The following IGF1R variants were observed in gnomAD, a reference collection of about 807,000 sequenced individuals.
The protein encoded by IGF1R is insulin-like growth factor 1 receptor.
A neutral mutation model predicts 144.6 loss-of-function variants in IGF1R; 44 were observed. The observed-to-expected ratio is 0.30, with a 90% confidence interval of 0.24 to 0.39. The LOEUF is 0.39. Among genes scored for constraint, IGF1R ranks in the 10% least tolerant of loss-of-function variants. The pLI, the probability that IGF1R is intolerant of heterozygous loss-of-function variation, is 1.00. For missense variants in IGF1R, 1,355 were observed against 1,833.7 expected (o/e 0.74, Z 4.77); for synonymous variants, 795 against 722.8 (o/e 1.10, Z -1.60).
intron 5 of IGF1R, among the ~76,000 whole-genome samples, chr15:98,904,485 T>C (rs537009187): frequency 9.2e-5 from 14 of 152,356 alleles, no homozygotes; most frequent in Admixed American, 9.1e-4. Flanking sequence ...ATATCCACCC[T>C]TGCTGAACCC....
intron 1 of IGF1R, among the ~76,000 whole-genome samples, chr15:98,671,464 T>A (rs559380392): frequency 6.6e-6 from 1 of 152,314 alleles, no homozygotes; most frequent in South Asian, 2.1e-4. Flanking sequence ...ATGTCCCAAC[T>A]GAGCTTGTAA....
chr15:98,655,610 C>G (rs920312465), intron 1 of IGF1R, among the ~76,000 whole-genome samples: 2 of 151,670 alleles, frequency 1.3e-5, no homozygotes, highest in Admixed American at 6.6e-5. Flanking sequence ...TTTAAAGATA[C>G]CCGTCAAACT....
chr15:98,821,603 C>T (rs962405426), intron 2 of IGF1R, among the ~76,000 whole-genome samples: 1 of 152,162 alleles, frequency 6.6e-6, no homozygotes, highest in Non-Finnish European at 1.5e-5. Context: ...GTTTCGAGAT[C>T]CAGTATGACT....
intron 2 of IGF1R, among the ~76,000 whole-genome samples, chr15:98,821,853 G>A (rs561040457): frequency 4.6e-4 from 60 of 130,900 alleles, no homozygotes; most frequent in African/African-American, 1.4e-3. Context: ...AGAGACACAC[G>A]GGTGTATGTG....
chr15:98,874,535 A>G (rs1332331678), intron 2 of IGF1R, among the ~76,000 whole-genome samples: 1 of 152,188 alleles, frequency 6.6e-6, no homozygotes, highest in African/African-American at 2.4e-5. Context: ...AGCTGGGGAC[A>G]TCGTGATGTG....
At chr15:98,896,343 G>A (rs976721250) in intron 3 of IGF1R, among the ~76,000 whole-genome samples, 14 of 152,094 alleles carry the variant, frequency 9.2e-5, no homozygotes, top group Non-Finnish European at 8.8e-5. Context: ...CTCTCCTAGC[G>A]ACTCCTCCAG....
chr15:98,794,439 A>C (rs2056194418), intron 2 of IGF1R, among the ~76,000 whole-genome samples: 2 of 152,176 alleles, frequency 1.3e-5, no homozygotes, highest in African/African-American at 4.8e-5. Flanking sequence ...GTGAGAAGGA[A>C]AAGACCAGTG....
At position 98,963,602 on chromosome 15, in the gene IGF1R, T is replaced by C. The variant is rs1165206322; in HGVS notation, c.*6160T>C. On this transcript the variant is annotated 3_prime_UTR_variant, in exon 21 of 21. Coordinates refer to ENST00000650285, the MANE Select transcript of IGF1R (RefSeq NM_000875.5). ...CACAGTGCCATGGACATGGGAAGAC[T>C]TGACTGCACAGCCAATGGTTTTCAT... The C allele has an allele frequency of 1.7e-5, 4 of 233,196 alleles. No individual in the cohort carries two copies. Among genetic ancestry groups the C allele is most frequent in the Non-Finnish European group, 2.5e-5 (3 of 118,068 alleles). 14.4% of individuals were successfully genotyped at this position (233,196 alleles called of 1,614,324 possible).
intron 2 of IGF1R, among the ~76,000 whole-genome samples, chr15:98,768,800 C>T (rs1225198202): frequency 7.1e-6 from 1 of 140,288 alleles, no homozygotes. Context: ...CGGTGCCGGG[C>T]GCCTGTAGTC....
rs573996272 is a variant in IGF1R at position 98,681,072 on chromosome 15, G to A, written c.95-26490G>A. On this transcript the variant is annotated intron_variant, in intron 1 of 20. Coordinates refer to ENST00000650285, the MANE Select transcript of IGF1R (RefSeq NM_000875.5). ...GTGTAGTAGGCTATACCATTGAGGTGTAAGTATACTCTGATCACACAATGA... is the reference window on the plus strand; with the variant it reads ...GTGTAGTAGGCTATACCATTGAGGTATAAGTATACTCTGATCACACAATGA... 8.5e-4 allele frequency among the ~76,000 whole-genome samples: 130 copies of A among 152,210 alleles called. 1 individual carries two copies. Among genetic ancestry groups the A allele is most frequent in the African/African-American group, 3.0e-3 (123 of 41,536 alleles).
At chr15:98,942,298 A>G (rs116877603) in intron 18 of IGF1R, among the ~76,000 whole-genome samples, 2 of 152,124 alleles carry the variant, frequency 1.3e-5, no homozygotes, top group East Asian at 3.9e-4. Flanking sequence ...ATATTTTCTT[A>G]AATTGTGGGA....
At chr15:98,811,615 C>G (rs2056591274) in intron 2 of IGF1R, among the ~76,000 whole-genome samples, 1 of 151,778 alleles carries the variant, frequency 6.6e-6, no homozygotes. Context: ...TATTTGTATT[C>G]TGTGAACCAT....
intron 2 of IGF1R, among the ~76,000 whole-genome samples, chr15:98,739,117 T>A (rs1476702104): frequency 6.6e-6 from 1 of 152,222 alleles, no homozygotes; most frequent in African/African-American, 2.4e-5. Context: ...GCTGTGGCTG[T>A]GCTGTGCAGG....
chr15:98,909,452 T>C (rs2014903065), intron 6 of IGF1R, among the ~76,000 whole-genome samples: 1 of 151,950 alleles, frequency 6.6e-6, no homozygotes, highest in African/African-American at 2.4e-5. Context: ...AGAGACGGGA[T>C]TTCATCATGT....
intron 2 of IGF1R, among the ~76,000 whole-genome samples, chr15:98,784,272 A>G (rs909336435): frequency 1.3e-5 from 2 of 152,026 alleles, no homozygotes; most frequent in African/African-American, 4.8e-5. Context: ...GTCTTTTTTC[A>G]GCTCTGGATT....
intron 2 of IGF1R, among the ~76,000 whole-genome samples, chr15:98,827,522 T>C (rs2056915859): frequency 6.6e-6 from 1 of 152,216 alleles, no homozygotes; most frequent in Non-Finnish European, 1.5e-5. Context: ...TTGGAGATAC[T>C]ATGAATTGGT....
chr15:98,909,804 A>G (rs1885628189), intron 6 of IGF1R, among the ~76,000 whole-genome samples: 1 of 152,242 alleles, frequency 6.6e-6, no homozygotes, highest in African/African-American at 2.4e-5. Flanking sequence ...CAATATAATT[A>G]CAGCCTTGTA....
intron 18 of IGF1R, among the ~76,000 whole-genome samples, chr15:98,942,713 A>T (rs898938303): frequency 6.6e-6 from 1 of 152,156 alleles, no homozygotes; most frequent in Non-Finnish European, 1.5e-5. Context: ...AAAAGTGGAG[A>T]TTGCTTGGTA....
chr15:98,881,343 T>C (rs1256790073), intron 2 of IGF1R, among the ~76,000 whole-genome samples: 1 of 152,240 alleles, frequency 6.6e-6, no homozygotes, highest in East Asian at 1.9e-4. Flanking sequence ...ATTTTTGAGA[T>C]GGAGTCTCAC....
Sources: allele counts gnomAD v4.1 joint callset (sites outside exome capture counted in the v4.1 genomes callset), GRCh38; gene constraint gnomAD v4.1.1; transcripts MANE v1.5; gene names NCBI Gene and HGNC (gene_info 2026-07-23, HGNC 2026-07-21).